CADPS: variants seen among roughly 807,000 people sequenced by gnomAD.
CADPS encodes the protein calcium dependent secretion activator.
A neutral mutation model predicts 167.3 loss-of-function variants in CADPS; 57 were observed. The observed-to-expected ratio is 0.34, with a 90% CI of 0.28 to 0.42. The LOEUF is 0.42. Among genes scored for constraint, CADPS ranks in the 20% least tolerant of loss-of-function variants. CADPS has a pLI of 1.00. For missense variants in CADPS, 1,414 were observed against 1,738.1 expected, an observed-to-expected ratio of 0.81 and a Z score of 3.32; for synonymous variants, 676 against 635.3, an observed-to-expected ratio of 1.06 and a Z score of -0.96.
At chr3:62,650,236 T>C (rs956175073) in intron 5 of CADPS, among the ~76,000 whole-genome samples, 3 of 152,194 alleles carry the variant, frequency 2.0e-5, no homozygotes, top group African/African-American at 7.2e-5. Context: ...TACCCAGGAA[T>C]CTGCATAGTG....
intron 8 of CADPS, among the ~76,000 whole-genome samples, chr3:62,584,976 AT>A (rs1165424300): frequency 6.6e-6 from 1 of 152,232 alleles, no homozygotes; most frequent in East Asian, 1.9e-4. Context: ...AGAGAAGGAC[AT>A]TTTTCTATTT....
At chr3:62,449,244 A>C (rs1294457622) in intron 26 of CADPS, among the ~76,000 whole-genome samples, 3 of 152,224 alleles carry the variant, frequency 2.0e-5, no homozygotes, top group Non-Finnish European at 2.9e-5. Flanking sequence ...AACAGAGGCT[A>C]GGTAGAAGGC....
chr3:62,570,768 T>C, intron 9 of CADPS, 104 bp downstream of exon 9: 2 of 789,230 alleles, frequency 2.5e-6, no homozygotes, highest in Non-Finnish European at 2.2e-6. Flanking sequence ...TTAAGCTAAA[T>C]GCATGAGCTC....
intron 28 of CADPS, among the ~76,000 whole-genome samples, chr3:62,405,219 G>T (rs1256631194): frequency 6.6e-6 from 1 of 151,068 alleles, no homozygotes; most frequent in Non-Finnish European, 1.5e-5. Context: ...ATTGGAAGAT[G>T]ACCTTCGAGC....
intron 13 of CADPS, chr3:62,530,654 C>T: frequency 7.8e-7 from 1 of 1,286,404 alleles, no homozygotes; most frequent in Non-Finnish European, 1.0e-6. Flanking sequence ...AACTTCTTAC[C>T]TTTTCAGCTC....
rs2077040306 is a variant in CADPS at position 62,549,789 on chromosome 3, G to A, written c.1966+114C>T. ...CCCCTGAATTCACTATATGTTTTCA[G>A]CAAACATGATTTTATAAATTTTAAG... On this transcript the variant is annotated intron_variant, in intron 11 of 29. Coordinates refer to ENST00000383710, the MANE Select transcript of CADPS (RefSeq NM_003716.4). 12 of 822,144 alleles carry A rather than the reference G, an allele frequency of 1.5e-5. No homozygotes were observed. In the South Asian group the frequency reaches 2.2e-4, roughly 15 times the overall value. 50.9% of individuals were successfully genotyped at this position (822,144 alleles called of 1,614,324 possible). A position where few individuals can be genotyped will look rare whatever the true frequency, so the allele number is the denominator to read the frequency against.
chr3:62,747,438 A>G (rs991460996), intron 3 of CADPS, among the ~76,000 whole-genome samples: 5 of 152,208 alleles, frequency 3.3e-5, no homozygotes, highest in Non-Finnish European at 7.3e-5. Context: ...CAACCCAGCA[A>G]TCTGGGTCAC....
chr3:62,676,302 A>G (rs988080132), intron 3 of CADPS, among the ~76,000 whole-genome samples: 3 of 152,174 alleles, frequency 2.0e-5, no homozygotes, highest in Non-Finnish European at 4.4e-5. Context: ...CTGACACAAA[A>G]GAGGTGTTCA....
In CADPS at chr3:62,685,365, C is replaced by G. The variant is rs558201079; in HGVS notation, c.889-22971G>C. On this transcript the variant is annotated intron_variant, in intron 3 of 29. Coordinates refer to ENST00000383710, the MANE Select transcript of CADPS (RefSeq NM_003716.4). ...GGAATCTATAATCAAAGAAACAATGCGTAGAGTTTATATGGAAGTGTTTGG... is the reference window on the plus strand; with the variant it reads ...GGAATCTATAATCAAAGAAACAATGGGTAGAGTTTATATGGAAGTGTTTGG... Among the ~76,000 whole-genome samples, 6 of 151,846 alleles carry G rather than the reference C, an allele frequency of 4.0e-5. No homozygotes were observed. The South Asian group carries it at 1.2e-3, about 32-fold the overall frequency.
chr3:62,436,451 A>C (rs2149723543), intron 28 of CADPS, among the ~76,000 whole-genome samples: 1 of 152,340 alleles, frequency 6.6e-6, no homozygotes, highest in South Asian at 2.1e-4. Context: ...TTGGAATTTA[A>C]TTCAATGGAG....
chr3:62,844,738 A>G (rs2077142975), intron 1 of CADPS, among the ~76,000 whole-genome samples: 1 of 152,236 alleles, frequency 6.6e-6, no homozygotes, highest in South Asian at 2.1e-4. Flanking sequence ...GATTCTTAGT[A>G]TAATGTGTAA....
chr3:62,585,151 G>T (rs200984399), intron 8 of CADPS, 34 bp downstream of exon 8: 4 of 1,607,336 alleles, frequency 2.5e-6, no homozygotes, highest in Admixed American at 1.7e-5. Flanking sequence ...ACAGACGTGT[G>T]TCCAAAACTG....
chr3:62,763,589 C>T (rs1553640390), intron 2 of CADPS, among the ~76,000 whole-genome samples: 1 of 152,028 alleles, frequency 6.6e-6, no homozygotes, highest in Admixed American at 6.6e-5. Context: ...CAATTGGAAC[C>T]CAGAGTTGGG....
At chr3:62,816,648 GA>G (rs1252202594) in intron 1 of CADPS, among the ~76,000 whole-genome samples, 1 of 151,496 alleles carries the variant, frequency 6.6e-6, no homozygotes, top group African/African-American at 2.4e-5. Flanking sequence ...AGATAAACAT[GA>G]CCTCACTACC....
intron 3 of CADPS, among the ~76,000 whole-genome samples, chr3:62,715,978 C>T (rs957258952): frequency 6.6e-6 from 1 of 152,088 alleles, no homozygotes; most frequent in South Asian, 2.1e-4. Context: ...ATCTCCTGAC[C>T]TCATGATCCA....
chr3:62,831,795 A>G (rs1446619982), intron 1 of CADPS, among the ~76,000 whole-genome samples: 2 of 152,196 alleles, frequency 1.3e-5, no homozygotes, highest in African/African-American at 4.8e-5. Flanking sequence ...GCTGATCTGA[A>G]TTGACCACTT....
rs1317890582 is a variant in CADPS, at chr3:62,753,237, AT to A, written c.888+203del. Among the ~76,000 whole-genome samples, 2 of 152,250 alleles carry A rather than the reference AT, an allele frequency of 1.3e-5. No individual in the cohort carries two copies. Among genetic ancestry groups the A allele is most frequent in the African/African-American group, 4.8e-5 (2 of 41,464 alleles). ...GGGCCCCTGAGACTTTTAAGGGCTCATAAAAATGTTTTATTTATTTATTTTT... is the reference window on the plus strand; with the variant it reads ...GGGCCCCTGAGACTTTTAAGGGCTCAAAAAATGTTTTATTTATTTATTTTT... On this transcript the variant is annotated intron_variant, in intron 3 of 29. Coordinates refer to ENST00000383710, the MANE Select transcript of CADPS (RefSeq NM_003716.4). This position sits in a 1 kb window ranked among gnomAD's most constrained non-coding sequence, Gnocchi z 4.6.
chr3:62,500,645 G>T (rs1254749705), intron 17 of CADPS: 1 of 152,012 alleles, frequency 6.6e-6, no homozygotes, highest in Non-Finnish European at 1.5e-5. Context: ...CAAAAGAACT[G>T]GCAAAATTTC....
chr3:62,583,959 T>A lies in CADPS; in HGVS notation c.1577+1226A>T, dbSNP rs904417362. ...TCTTAATCACGGCTAGGCCCTGAAA[T>A]TGGGTTTGTGAATTCCCCAAACCTC... On this transcript the variant is annotated intron_variant, in intron 8 of 29. Transcript: ENST00000383710. Among the ~76,000 whole-genome samples the A allele has an allele frequency of 3.3e-5, 5 of 151,892 alleles. No individual in the cohort carries two copies. The East Asian group carries it at 9.7e-4, about 29-fold the overall frequency.
Sources: allele counts gnomAD v4.1 joint callset (sites outside exome capture counted in the v4.1 genomes callset), GRCh38; gene constraint gnomAD v4.1.1; non-coding constraint Gnocchi (gnomAD v3.1); transcripts MANE v1.5; gene names NCBI Gene and HGNC (gene_info 2026-07-23, HGNC 2026-07-21).